IPO11: variants seen among roughly 807,000 people sequenced by gnomAD.
IPO11 encodes importin-11.
IPO11 carries 66 observed loss-of-function variants against 143.2 expected under a neutral mutation model. That is an observed-to-expected ratio of 0.46 (90% confidence interval 0.38 to 0.57). The LOEUF is 0.57. Among genes scored for constraint, IPO11 ranks in the 20% least tolerant of loss-of-function variants. The probability of loss-of-function intolerance (pLI) is 0.00; values close to 1 mark genes in which losing one functional copy is unlikely to be tolerated. For missense variants in IPO11, 1,026 were observed against 1,141.0 expected, an observed-to-expected ratio of 0.90 and a Z score of 1.45; for synonymous variants, 385 against 377.8, an observed-to-expected ratio of 1.02 and a Z score of -0.22.
At chr5:62,603,513 T>C (rs1745584294) in intron 29 of IPO11, among the ~76,000 whole-genome samples, 1 of 152,238 alleles carries the variant, frequency 6.6e-6, no homozygotes, top group Non-Finnish European at 1.5e-5. Flanking sequence ...TTTACGGTAG[T>C]GGGTGGCTGG....
chr5:62,497,358 ATATTT>A (rs1480439662), intron 16 of IPO11, among the ~76,000 whole-genome samples: 3 of 152,224 alleles, frequency 2.0e-5, no homozygotes, highest in Non-Finnish European at 4.4e-5. Context: ...TATATTTCAA[ATATTT>A]TATTTAAGAA....
chr5:62,564,189 GA>G (rs535825161), intron 27 of IPO11, among the ~76,000 whole-genome samples: 101 of 147,044 alleles, frequency 6.9e-4, no homozygotes, highest in African/African-American at 2.1e-3. Context: ...GTAACAATCT[GA>G]AAAAAAAAAC....
At chr5:62,463,481 C>A (rs1745449292) in intron 5 of IPO11, among the ~76,000 whole-genome samples, 1 of 151,698 alleles carries the variant, frequency 6.6e-6, no homozygotes, top group Non-Finnish European at 1.5e-5. Context: ...CTGGGCAACA[C>A]AGTGAGATCC....
intron 29 of IPO11, among the ~76,000 whole-genome samples, chr5:62,612,590 A>G (rs193218360): frequency 6.6e-6 from 1 of 152,328 alleles, no homozygotes; most frequent in African/African-American, 2.4e-5. Context: ...CACTAAAGAG[A>G]TATTTTTATT....
intron 3 of IPO11, among the ~76,000 whole-genome samples, chr5:62,448,772 T>C (rs190138512): frequency 1.3e-5 from 2 of 152,294 alleles, no homozygotes; most frequent in Middle Eastern, 3.4e-3. Flanking sequence ...TTGCCCAGGC[T>C]TATCTTGAAC....
intron 1 of IPO11, among the ~76,000 whole-genome samples, chr5:62,414,833 C>T (rs549969805): frequency 6.6e-6 from 1 of 152,082 alleles, no homozygotes; most frequent in Admixed American, 6.5e-5. Flanking sequence ...ATGCACAAAC[C>T]GGTATAAAAA....
chr5:62,460,408 G>A (rs1280658961), intron 5 of IPO11, among the ~76,000 whole-genome samples: 9 of 152,152 alleles, frequency 5.9e-5, no homozygotes, highest in Non-Finnish European at 1.3e-4. Context: ...ATACCTTGCT[G>A]ATTAGGTTCA....
rs371460499 is a variant in IPO11 at position 62,573,885 on chromosome 5, A to G, written c.2582+12628A>G. On this transcript the variant is annotated intron_variant, in intron 27 of 29. Transcript: ENST00000325324. ...TGGTCTTCAGCACTGGTGGCTTAAC[A>G]TTGAGAGTTCCCTTAGGGGTTATTT... is the stretch of plus-strand genomic sequence containing the variant. Among the ~76,000 whole-genome samples, 3 of 152,140 alleles carry G rather than the reference A, an allele frequency of 2.0e-5. No individual in the cohort carries two copies. The South Asian group carries it at 6.2e-4, about 31-fold the overall frequency.
intron 20 of IPO11, among the ~76,000 whole-genome samples, chr5:62,523,279 T>G (rs1232330639): frequency 6.6e-6 from 1 of 152,230 alleles, no homozygotes; most frequent in Non-Finnish European, 1.5e-5. Flanking sequence ...GTATTGAAAC[T>G]GTTCCTCTGT....
At chr5:62,434,662 A>G (rs940652938) in intron 1 of IPO11, among the ~76,000 whole-genome samples, 1 of 152,116 alleles carries the variant, frequency 6.6e-6, no homozygotes, top group Non-Finnish European at 1.5e-5. Context: ...TTAAAAGTAA[A>G]ATATCTCAGT....
At chr5:62,591,359 A>G (rs749664423) in intron 27 of IPO11, among the ~76,000 whole-genome samples, 7 of 152,134 alleles carry the variant, frequency 4.6e-5, no homozygotes. Context: ...TATCGAATCT[A>G]TCCATCTAGT....
intron 15 of IPO11, among the ~76,000 whole-genome samples, chr5:62,490,758 C>T (rs940787252): frequency 6.6e-6 from 1 of 151,886 alleles, no homozygotes; most frequent in Non-Finnish European, 1.5e-5. Flanking sequence ...AGCACATTTG[C>T]CCAATTCTAT....
In IPO11 at chr5:62,579,472, C is replaced by A. The variant is rs972604891; in HGVS notation, c.2583-12105C>A. On this transcript the variant is annotated intron_variant, in intron 27 of 29. Transcript: ENST00000325324. ...ATTACAGTTTTCTCTGCCTTGCCTA[C>A]GACTGTTTCTGGTTGTTACCTGTTA... 4 of 1,550,762 alleles carry A rather than the reference C, an allele frequency of 2.6e-6. No individual in the cohort carries two copies. In the East Asian group the frequency reaches 9.8e-5, roughly 38 times the overall value.
intron 15 of IPO11, among the ~76,000 whole-genome samples, chr5:62,490,507 G>A (rs1056084105): frequency 1.3e-5 from 2 of 152,150 alleles, no homozygotes; most frequent in Non-Finnish European, 2.9e-5. Context: ...TTAGCAGGAT[G>A]TATGCCTAGT....
chr5:62,595,824 C>T (rs2112435316), intron 28 of IPO11, among the ~76,000 whole-genome samples: 1 of 151,838 alleles, frequency 6.6e-6, no homozygotes, highest in African/African-American at 2.4e-5. Flanking sequence ...ATTGATGGGG[C>T]TAGAGATTTG....
intron 9 of IPO11, among the ~76,000 whole-genome samples, chr5:62,481,716 T>C (rs569426539): frequency 6.6e-6 from 1 of 152,318 alleles, no homozygotes; most frequent in South Asian, 2.1e-4. Flanking sequence ...GATATTGGTC[T>C]AAATCCCTGA....
At chr5:62,424,717 C>T (rs895918185) in intron 1 of IPO11, among the ~76,000 whole-genome samples, 1 of 151,870 alleles carries the variant, frequency 6.6e-6, no homozygotes, top group African/African-American at 2.4e-5. Context: ...GGTGGGATTA[C>T]AGACGTGAGC....
chr5:62,455,652 T>G (rs1049655932), intron 5 of IPO11, among the ~76,000 whole-genome samples: 3 of 152,160 alleles, frequency 2.0e-5, no homozygotes, highest in Non-Finnish European at 2.9e-5. Flanking sequence ...TCCTCCTCTG[T>G]GTTAAAATAA....
At chr5:62,597,098 C>T (rs1035909254) in intron 28 of IPO11, among the ~76,000 whole-genome samples, 2 of 151,914 alleles carry the variant, frequency 1.3e-5, no homozygotes, top group African/African-American at 4.8e-5. Context: ...AGTCTAGTGA[C>T]GGTAAGAGGA....
Sources: gnomAD v4.1 joint callset for allele counts (sites outside exome capture counted in the v4.1 genomes callset) on GRCh38, gnomAD v4.1.1 for gene constraint, MANE v1.5 for transcripts, NCBI Gene and HGNC (gene_info 2026-07-23, HGNC 2026-07-21) for gene names.